P2RY2: variants seen among roughly 807,000 people sequenced by gnomAD.
P2RY2 encodes purinergic receptor P2Y2.
For missense variants in P2RY2, 567 were observed against 515.7 expected (o/e 1.10, Z -0.96); for synonymous variants, 241 against 231.9 (o/e 1.04, Z -0.35).
Position 73,234,573 on chromosome 11 carries a change from T to C in P2RY2, c.414T>C (p.Pro138=). 5.1e-6 allele frequency: 8 copies of C among 1,582,542 alleles called. No individual in the cohort carries two copies. The highest frequency in any genetic ancestry group is 6.9e-6 in the Non-Finnish European group (8 of 1,163,538). The change falls in exon 3 of 3, where the codon CCT becomes CCC. Residue 138 remains proline, a synonymous_variant. Transcript: ENST00000393597. The part of the protein sequence containing the change: ...SVHRCLGVLR[P]LRSLRWGRAR... ...ACCGGTGTCTGGGCGTCTTACGACCTCTGCGCTCCCTGCGCTGGGGCCGGG... is the reference window on the plus strand; with the variant it reads ...ACCGGTGTCTGGGCGTCTTACGACCCCTGCGCTCCCTGCGCTGGGGCCGGG...
At position 73,235,337 on chromosome 11, in the gene P2RY2, T is replaced by C. The variant is rs1293998535; in HGVS notation, c.*44T>C. 1 of 1,515,284 alleles carries C rather than the reference T, an allele frequency of 6.6e-7. No individual in the cohort carries two copies. Among genetic ancestry groups the C allele is most frequent in the Non-Finnish European group, 8.8e-7 (1 of 1,131,696 alleles). 93.9% of individuals were successfully genotyped at this position (1,515,284 alleles called of 1,614,324 possible). A position where few individuals can be genotyped will look rare whatever the true frequency, so the allele number is the denominator to read the frequency against. On this transcript the variant is annotated 3_prime_UTR_variant, in exon 3 of 3. Coordinates refer to ENST00000393597, the MANE Select transcript of P2RY2 (RefSeq NM_002564.4). Reference sequence around the variant, plus strand: ...TGTGCAGGTTTATATTGGGAAGCTGTAGAGGACCAGGACTTGTGCAGACGC... The same window carrying C: ...TGTGCAGGTTTATATTGGGAAGCTGCAGAGGACCAGGACTTGTGCAGACGC...
At position 73,241,005 on chromosome 11, in the gene P2RY2, G is replaced by T. The variant is rs1363439483; in HGVS notation, c.*5712G>T. 2.0e-5 allele frequency: 3 copies of T among 152,216 alleles called. No homozygotes were observed. Among genetic ancestry groups the T allele is most frequent in the Non-Finnish European group, 4.4e-5 (3 of 68,064 alleles). 9.4% of individuals were successfully genotyped at this position (152,216 alleles called of 1,614,324 possible). On this transcript the variant is annotated 3_prime_UTR_variant, in exon 3 of 3. Transcript: ENST00000393597. The stretch of plus-strand genomic sequence containing the variant: ...GGTGGGGCCTTTGGGAAGTAACCAG[G>T]TCCTAAGGGTGCAGCCCTCATGAAT...
chr11:73,228,195 G>GGT lies in P2RY2; in HGVS notation c.-5+21_-5+22insTG, dbSNP rs1554981764. ...GGTCAGGTACGTGGGGTGGGGGTGG[G>GGT]GGGGAGCGGGTACGCTGGCCGGGAG... On this transcript the variant is annotated intron_variant, in intron 2 of 2. Transcript: ENST00000393597. The GGT allele has an allele frequency of 7.5e-6, 1 of 132,694 alleles. No homozygotes were observed. Among genetic ancestry groups the GGT allele is most frequent in the Non-Finnish European group, 1.7e-5 (1 of 60,450 alleles). The allele number at this position is 132,694 out of a possible 1,614,324, so 8.2% of individuals were successfully genotyped here. A position where few individuals can be genotyped will look rare whatever the true frequency, so the allele number is the denominator to read the frequency against.
At position 73,237,128 on chromosome 11, in the gene P2RY2, T is replaced by G. The variant is rs1862673276; in HGVS notation, c.*1835T>G. 1.0e-6 allele frequency: 1 copy of G among 985,242 alleles called. No individual in the cohort carries two copies. The highest frequency in any genetic ancestry group is 4.7e-5 in the South Asian group (1 of 21,288). The allele number at this position is 985,242 out of a possible 1,614,324, so 61.0% of individuals were successfully genotyped here. ...TGTGACAGAGACCCATCACAGACCA[T>G]GACCCAAATGATTACTCTGTACTGT... On this transcript the variant is annotated 3_prime_UTR_variant, in exon 3 of 3. Transcript: ENST00000393597.
In P2RY2 at chr11:73,240,065, C is replaced by G. The variant is rs187921590; in HGVS notation, c.*4772C>G. 3 of 152,458 alleles carry G rather than the reference C, an allele frequency of 2.0e-5. No homozygotes were observed. Among genetic ancestry groups the G allele is most frequent in the Admixed American group, 2.0e-4 (3 of 15,306 alleles). 9.4% of individuals were successfully genotyped at this position (152,458 alleles called of 1,614,324 possible). A position where few individuals can be genotyped will look rare whatever the true frequency, so the allele number is the denominator to read the frequency against. ...GTGCAACTTGGGGGAGTCACTGTCC[C>G]TCTCTGGGCCTCGCTTTCCCCATCT... On this transcript the variant is annotated 3_prime_UTR_variant, in exon 3 of 3. Coordinates refer to ENST00000393597, the MANE Select transcript of P2RY2 (RefSeq NM_002564.4).
chr11:73,241,392 A>C lies in P2RY2; in HGVS notation c.*6099A>C, dbSNP rs1862770417. 1 of 152,446 alleles carries C rather than the reference A, an allele frequency of 6.6e-6. No homozygotes were observed. The highest frequency in any genetic ancestry group is 2.1e-4 in the South Asian group (1 of 4,832). The allele number at this position is 152,446 out of a possible 1,614,324, so 9.4% of individuals were successfully genotyped here. On this transcript the variant is annotated 3_prime_UTR_variant, in exon 3 of 3. Coordinates refer to ENST00000393597, the MANE Select transcript of P2RY2 (RefSeq NM_002564.4). Reference sequence around the variant, plus strand: ...TCACCAATTCTGGGACTGCAAATTCAGTTTCTTCATCTGGAAAATTGAACT... The same window carrying C: ...TCACCAATTCTGGGACTGCAAATTCCGTTTCTTCATCTGGAAAATTGAACT...
intron 1 of P2RY2, among the ~76,000 whole-genome samples, chr11:73,220,626 T>G (rs928716597): frequency 3.3e-5 from 5 of 152,174 alleles, no homozygotes; most frequent in Admixed American, 3.3e-4. Context: ...ACAAGTAAGA[T>G]CCTGCATGGG....
At chr11:73,222,849 A>G (rs1049741433) in intron 1 of P2RY2, among the ~76,000 whole-genome samples, 1 of 152,014 alleles carries the variant, frequency 6.6e-6, no homozygotes, top group Non-Finnish European at 1.5e-5. Context: ...TATTCACCCA[A>G]GTGGATTTGG....
In P2RY2 at chr11:73,234,410, C is replaced by T; in HGVS notation, c.251C>T (p.Ala84Val). 6.2e-7 allele frequency: 1 copy of T among 1,614,218 alleles called. No homozygotes were observed. Among genetic ancestry groups the T allele is most frequent in the African/African-American group, 1.3e-5 (1 of 75,060 alleles). Residue 84 changes from alanine (A) to valine (V), a missense_variant, in exon 3 of 3, where the codon GCC becomes GTC. Ala to Val is a moderately conservative substitution (Grantham distance 64, BLOSUM62 0). Transcript: ENST00000393597. The part of the protein sequence containing the change: ...HLAVSDALYA[A>V]SLPLLVYYYA... ...GCTGTGTCTGATGCACTGTATGCGG[C>T]CTCCCTGCCGCTGCTGGTCTATTAC...
intron 1 of P2RY2, among the ~76,000 whole-genome samples, chr11:73,224,855 CT>C (rs1187356048): frequency 6.6e-6 from 1 of 152,202 alleles, no homozygotes; most frequent in East Asian, 1.9e-4. Context: ...TTCTCTCTTA[CT>C]ATTTCATAAA....
Position 73,240,093 on chromosome 11 carries a change from G to A in P2RY2, c.*4800G>A, listed in dbSNP as rs532914010. On this transcript the variant is annotated 3_prime_UTR_variant, in exon 3 of 3. Transcript: ENST00000393597. ...TCTGGGCCTCGCTTTCCCCATCTTC[G>A]ATAGGACTTGGCTCTGCCTGGCCAC... is the stretch of plus-strand genomic sequence containing the variant. The A allele has an allele frequency of 2.0e-5, 3 of 152,560 alleles. No individual in the cohort carries two copies. Among genetic ancestry groups the A allele is most frequent in the East Asian group, 3.9e-4 (2 of 5,186 alleles). 9.5% of individuals were successfully genotyped at this position (152,560 alleles called of 1,614,324 possible). A position where few individuals can be genotyped will look rare whatever the true frequency, so the allele number is the denominator to read the frequency against.
At position 73,235,606 on chromosome 11, in the gene P2RY2, T is replaced by C; in HGVS notation, c.*313T>C. On this transcript the variant is annotated 3_prime_UTR_variant, in exon 3 of 3. Coordinates refer to ENST00000393597, the MANE Select transcript of P2RY2 (RefSeq NM_002564.4). ...TGGCTGTACTGCCAAGGTACCTAGG[T>C]TGGAGTCCAGCCTAATCAAGTCAAA... 9.1e-7 allele frequency: 1 copy of C among 1,093,266 alleles called. No homozygotes were observed. The highest frequency in any genetic ancestry group is 1.1e-6 in the Non-Finnish European group (1 of 891,348). 67.7% of individuals were successfully genotyped at this position (1,093,266 alleles called of 1,614,324 possible).
chr11:73,234,234 C>T lies in P2RY2; in HGVS notation c.75C>T (p.Cys25=). 3 of 1,614,190 alleles carry T rather than the reference C, an allele frequency of 1.9e-6. No homozygotes were observed. The South Asian group carries it at 3.3e-5, about 18-fold the overall frequency. ...TWDGDELGYR[C]RFNEDFKYVL... The stretch of plus-strand genomic sequence containing the variant: ...ATGGGGATGAGCTGGGCTACAGGTG[C>T]CGCTTCAACGAGGACTTCAAGTACG... The change falls in exon 3 of 3, where the codon TGC becomes TGT. Residue 25 remains cysteine, a synonymous_variant. Coordinates refer to ENST00000393597, the MANE Select transcript of P2RY2 (RefSeq NM_002564.4).
rs779320289 is a variant in P2RY2, at chr11:73,234,977, C to G, written c.818C>G (p.Ser273Trp). The part of the protein sequence containing the change: ...VTRTLYYSFR[S>W]LDLSCHTLNA... Reference sequence around the variant, plus strand: ...CGCACCCTCTACTACTCCTTCCGCTCGCTGGACCTCAGCTGCCACACCCTC... The same window carrying G: ...CGCACCCTCTACTACTCCTTCCGCTGGCTGGACCTCAGCTGCCACACCCTC... Residue 273 changes from serine (S) to tryptophan (W), a missense_variant, in exon 3 of 3, where the codon TCG becomes TGG. Transcript: ENST00000393597. 2.5e-6 allele frequency: 4 copies of G among 1,609,612 alleles called. No homozygotes were observed. The highest frequency in any genetic ancestry group is 1.3e-5 in the African/African-American group (1 of 74,938).
intron 2 of P2RY2, among the ~76,000 whole-genome samples, chr11:73,232,512 G>T (rs955905365): frequency 1.3e-5 from 2 of 151,984 alleles, no homozygotes; most frequent in Non-Finnish European, 2.9e-5. Flanking sequence ...CCTGGGCCCA[G>T]GTGATCCTCC....
chr11:73,222,975 G>C (rs1295670842), intron 1 of P2RY2, among the ~76,000 whole-genome samples: 1 of 152,180 alleles, frequency 6.6e-6, no homozygotes, highest in Admixed American at 6.5e-5. Flanking sequence ...CAGAGCATTG[G>C]CAAGTGTTTG....
intron 2 of P2RY2, among the ~76,000 whole-genome samples, chr11:73,228,647 C>G (rs1862355947): frequency 2.6e-5 from 4 of 152,188 alleles, no homozygotes; most frequent in Non-Finnish European, 5.9e-5. Context: ...CTCCTGGGCT[C>G]CTGTGGCAGT....
Position 73,235,971 on chromosome 11 carries a change from G to C in P2RY2, c.*678G>C. On this transcript the variant is annotated 3_prime_UTR_variant, in exon 3 of 3. Coordinates refer to ENST00000393597, the MANE Select transcript of P2RY2 (RefSeq NM_002564.4). ...TTGTGTGGTCGGGGGATGAGGATAT[G>C]GCAGGGAAGCTTTCACCAGCCACAC... 5.0e-6 allele frequency: 5 copies of C among 1,000,336 alleles called. No homozygotes were observed. Among genetic ancestry groups the C allele is most frequent in the Non-Finnish European group, 6.0e-6 (5 of 830,044 alleles). 62.0% of individuals were successfully genotyped at this position (1,000,336 alleles called of 1,614,324 possible).
chr11:73,228,469 A>C (rs1862351515), intron 2 of P2RY2, among the ~76,000 whole-genome samples: 1 of 152,198 alleles, frequency 6.6e-6, no homozygotes, highest in Non-Finnish European at 1.5e-5. Flanking sequence ...GCTGTGTGAA[A>C]GCTGCTCAGC....
Sources: gnomAD v4.1 joint callset for allele counts (sites outside exome capture counted in the v4.1 genomes callset) on GRCh38, gnomAD v4.1.1 for gene constraint, MANE v1.5 for transcripts, NCBI Gene and HGNC (gene_info 2026-07-23, HGNC 2026-07-21) for gene names.